Variants in ZFYVE28 observed in about 807,000 individuals in gnomAD.
ZFYVE28 encodes the protein lateral signaling target protein 2 homolog.
ZFYVE28 carries 40 observed loss-of-function variants against 82.1 expected under a neutral mutation model. That is an observed-to-expected ratio of 0.49 (90% confidence interval 0.38 to 0.63). The LOEUF is 0.63. Ranked by LOEUF, ZFYVE28 falls within the 30% of genes least tolerant of loss-of-function variation. ZFYVE28 has a pLI of 0.00. For missense variants in ZFYVE28, 1,321 were observed against 1,242.1 expected (o/e 1.06, Z -0.96); for synonymous variants, 612 against 546.1 (o/e 1.12, Z -1.68).
At chr4:2,281,445 TG>T (rs1279345343) in intron 8 of ZFYVE28, among the ~76,000 whole-genome samples, 3 of 152,014 alleles carry the variant, frequency 2.0e-5, no homozygotes, top group African/African-American at 7.3e-5. Context: ...AAGCCCAAGG[TG>T]GAGGGGCCCC....
chr4:2,389,319 C>T (rs887519352), intron 1 of ZFYVE28, among the ~76,000 whole-genome samples: 1 of 152,176 alleles, frequency 6.6e-6, no homozygotes, highest in Non-Finnish European at 1.5e-5. Flanking sequence ...CTGCAGGGGC[C>T]AGCATCTGTG....
chr4:2,292,070 G>C (rs774332831), intron 8 of ZFYVE28, among the ~76,000 whole-genome samples: 5 of 152,202 alleles, frequency 3.3e-5, no homozygotes, highest in Non-Finnish European at 7.3e-5. Context: ...AGGCTCCTCA[G>C]TCACATCCAG....
At position 2,297,981 on chromosome 4, in the gene ZFYVE28, ACG is replaced by A. The variant is rs575661372; in HGVS notation, c.2051+6306_2051+6307del. ...TGGGGTGACACGGTGACACAGTGAC[ACG>A]GCAGGCTGTGCTGGGACGAACAGCA... On this transcript the variant is annotated intron_variant, in intron 8 of 12. Transcript: ENST00000290974. Among the ~76,000 whole-genome samples the A allele has an allele frequency of 1.8e-3, 260 of 148,338 alleles. 1 individual carries two copies. Among genetic ancestry groups the A allele is most frequent in the African/African-American group, 5.8e-3 (233 of 39,856 alleles).
rs183510581 is a variant in ZFYVE28 at position 2,311,126 on chromosome 4, G to A, written c.804-5590C>T. Among the ~76,000 whole-genome samples the A allele has an allele frequency of 3.7e-4, 56 of 151,764 alleles. 1 individual carries two copies. The highest frequency in any genetic ancestry group is 3.4e-3 in the Middle Eastern group (1 of 292). Reference sequence around the variant, plus strand: ...TCATTTTAATATCTGTAAGGTCTGTGGTGATGTCTCCTTTCCATCTATATT... The same window carrying A: ...TCATTTTAATATCTGTAAGGTCTGTAGTGATGTCTCCTTTCCATCTATATT... On this transcript the variant is annotated intron_variant, in intron 7 of 12. Coordinates refer to ENST00000290974, the MANE Select transcript of ZFYVE28 (RefSeq NM_020972.3).
At chr4:2,298,187 C>T (rs549467733) in intron 8 of ZFYVE28, among the ~76,000 whole-genome samples, 47 of 149,100 alleles carry the variant, frequency 3.2e-4, no homozygotes, top group Admixed American at 1.7e-3. Context: ...CACAGTGACA[C>T]GGCAGGCTGT....
chr4:2,355,107 C>T (rs1191788727), intron 1 of ZFYVE28, among the ~76,000 whole-genome samples: 1 of 149,866 alleles, frequency 6.7e-6, no homozygotes. Flanking sequence ...ACGTGAGGTT[C>T]CCACTGCCCC....
At position 2,417,995 on chromosome 4, in the gene ZFYVE28, G is replaced by T. The variant is rs903144779; in HGVS notation, c.39+290C>A. Reference sequence around the variant, plus strand: ...GGATGAGGAGGGAGAGGGGCCCGTTGTGGCCCTGGATAGAGGGGGAGGGAA... The same window carrying T: ...GGATGAGGAGGGAGAGGGGCCCGTTTTGGCCCTGGATAGAGGGGGAGGGAA... On this transcript the variant is annotated intron_variant, in intron 1 of 12. Coordinates refer to ENST00000290974, the MANE Select transcript of ZFYVE28 (RefSeq NM_020972.3). The surrounding 1 kb of genome is among the most constrained non-coding windows in gnomAD (Gnocchi z 4.8). 6.6e-6 allele frequency among the ~76,000 whole-genome samples: 1 copy of T among 151,888 alleles called. No homozygotes were observed. Among genetic ancestry groups the T allele is most frequent in the African/African-American group, 2.4e-5 (1 of 41,372 alleles).
At chr4:2,395,298 T>C (rs3135083) in intron 1 of ZFYVE28, among the ~76,000 whole-genome samples, 98,865 of 152,132 alleles carry the variant, frequency 0.65, 32,625 homozygotes, top group East Asian at 0.79. Flanking sequence ...AATTCAGACA[T>C]GCTACCTAAC....
rs375739755 is a variant in ZFYVE28, at chr4:2,341,649, G to A, written c.181-34C>T. 77 of 1,590,870 alleles carry A rather than the reference G, an allele frequency of 4.8e-5. No homozygotes were observed. The highest frequency in any genetic ancestry group is 8.0e-5 in the African/African-American group (6 of 74,564). On this transcript the variant is annotated intron_variant, in intron 2 of 12. Transcript: ENST00000290974. The surrounding 1 kb of genome is among the most constrained non-coding windows in gnomAD (Gnocchi z 4.5). ...GAAGACAGGAGAAAGTGCGCCAATCGCTGTGTCCAGCTGGCGGCCGCCATG... is the reference window on the plus strand; with the variant it reads ...GAAGACAGGAGAAAGTGCGCCAATCACTGTGTCCAGCTGGCGGCCGCCATG...
At chr4:2,317,927 C>T (rs904491040) in intron 7 of ZFYVE28, among the ~76,000 whole-genome samples, 73 of 152,316 alleles carry the variant, frequency 4.8e-4, no homozygotes, top group Admixed American at 2.8e-3. Flanking sequence ...GCCACCGCGC[C>T]GGCCTCAAGG....
intron 7 of ZFYVE28, among the ~76,000 whole-genome samples, chr4:2,312,529 C>T (rs1031796915): frequency 6.6e-6 from 1 of 151,148 alleles, no homozygotes; most frequent in African/African-American, 2.4e-5. Context: ...GAGATTGAGA[C>T]CATCCCGGCT....
intron 8 of ZFYVE28, among the ~76,000 whole-genome samples, chr4:2,292,179 G>C (rs906086104): frequency 6.6e-6 from 1 of 152,200 alleles, no homozygotes; most frequent in Non-Finnish European, 1.5e-5. Flanking sequence ...GGCGGCCGGA[G>C]AGCTGGGTTG....
intron 6 of ZFYVE28, among the ~76,000 whole-genome samples, chr4:2,327,251 AATATATATATATATATATATATAT>A (rs67940269): frequency 0.016 from 1,396 of 87,276 alleles, 60 homozygotes; most frequent in South Asian, 0.056. Context: ...CTCCATCTCA[AATATATATATATATATATATATAT>A]ATATATATAT....
At chr4:2,412,443 G>A (rs1732619603) in intron 1 of ZFYVE28, among the ~76,000 whole-genome samples, 1 of 152,120 alleles carries the variant, frequency 6.6e-6, no homozygotes, top group Admixed American at 6.6e-5. Flanking sequence ...AATTCCAGAA[G>A]GCAGGTCTCA....
intron 1 of ZFYVE28, among the ~76,000 whole-genome samples, chr4:2,389,855 C>T (rs1270961886): frequency 6.6e-6 from 1 of 152,188 alleles, no homozygotes; most frequent in African/African-American, 2.4e-5. Context: ...AAACACACCA[C>T]GTGCTCACCC....
intron 2 of ZFYVE28, among the ~76,000 whole-genome samples, chr4:2,348,185 T>G (rs985457254): frequency 2.6e-5 from 4 of 152,146 alleles, no homozygotes; most frequent in African/African-American, 9.7e-5. Flanking sequence ...TACAAACAAC[T>G]TATGCCAATA....
intron 8 of ZFYVE28, among the ~76,000 whole-genome samples, chr4:2,275,381 C>T (rs1736324388): frequency 6.6e-6 from 1 of 152,196 alleles, no homozygotes; most frequent in African/African-American, 2.4e-5. Flanking sequence ...CTTTTTGTCC[C>T]ATTTTCTGGG....
chr4:2,328,302 A>G (rs573128912), intron 6 of ZFYVE28, among the ~76,000 whole-genome samples: 1 of 152,368 alleles, frequency 6.6e-6, no homozygotes, highest in South Asian at 2.1e-4. Flanking sequence ...AGTAAGGACC[A>G]GAAAGACAAA....
At chr4:2,377,801 C>A (rs144504369) in intron 1 of ZFYVE28, among the ~76,000 whole-genome samples, 308 of 152,248 alleles carry the variant, frequency 2.0e-3, no homozygotes, top group African/African-American at 7.1e-3. Context: ...TATTTCTGAA[C>A]GATGTGAATA....
Sources: allele counts gnomAD v4.1 joint callset (sites outside exome capture counted in the v4.1 genomes callset), GRCh38; gene constraint gnomAD v4.1.1; non-coding constraint Gnocchi (gnomAD v3.1); transcripts MANE v1.5; gene names NCBI Gene and HGNC (gene_info 2026-07-23, HGNC 2026-07-21).